Variants in PCDH9 observed in about 807,000 individuals in gnomAD.
PCDH9 encodes the protein protocadherin 9, also known as protocadherin-9.
In PCDH9, 24 loss-of-function variants were observed where a neutral mutation model predicts 70.6. The ratio of observed to expected loss-of-function variants is 0.34; its 90% CI spans 0.25 to 0.48. The LOEUF (loss-of-function observed/expected upper bound fraction) is 0.48, where lower values mean the gene tolerates loss of function less well. Among genes scored for constraint, PCDH9 ranks in the 20% least tolerant of loss-of-function variants. The pLI is 0.99. For synonymous variants in PCDH9, 562 were observed against 558.5 expected (o/e 1.01, Z -0.09); for missense variants, 1,281 against 1,503.6 (o/e 0.85, Z 2.45).
intron 4 of PCDH9, among the ~76,000 whole-genome samples, chr13:66,343,521 C>T (rs1956164098): frequency 6.6e-6 from 1 of 152,216 alleles, no homozygotes; most frequent in South Asian, 2.1e-4. Flanking sequence ...TTCCTCAACA[C>T]ATTGGCACCT....
chr13:67,153,011 C>T (rs765042110), intron 2 of PCDH9, among the ~76,000 whole-genome samples: 3 of 151,976 alleles, frequency 2.0e-5, no homozygotes, highest in Non-Finnish European at 4.4e-5. Flanking sequence ...CTCATCACTC[C>T]CACCTGGAAG....
At chr13:67,187,007 T>C (rs748462489) in intron 2 of PCDH9, among the ~76,000 whole-genome samples, 4 of 152,232 alleles carry the variant, frequency 2.6e-5, no homozygotes, top group Non-Finnish European at 5.9e-5. Flanking sequence ...GGTTTGTTTC[T>C]TTCAATTTAT....
chr13:66,690,156 C>T (rs2078461838), intron 3 of PCDH9, among the ~76,000 whole-genome samples: 1 of 152,146 alleles, frequency 6.6e-6, no homozygotes, highest in African/African-American at 2.4e-5. Context: ...TAAATAAACA[C>T]AGTGCACTAA....
intron 3 of PCDH9, among the ~76,000 whole-genome samples, chr13:66,797,401 T>C (rs1276965101): frequency 6.6e-6 from 1 of 152,186 alleles, no homozygotes; most frequent in African/African-American, 2.4e-5. Context: ...TCCAGCACTT[T>C]ACCATAGTGA....
chr13:66,670,555 G>A (rs2078160005), intron 3 of PCDH9, among the ~76,000 whole-genome samples: 1 of 152,060 alleles, frequency 6.6e-6, no homozygotes, highest in Admixed American at 6.6e-5. Context: ...TAAAAAGTAT[G>A]TATATCTATA....
intron 3 of PCDH9, among the ~76,000 whole-genome samples, chr13:66,733,542 T>A (rs367584350): frequency 3.3e-5 from 5 of 152,152 alleles, no homozygotes; most frequent in African/African-American, 1.2e-4. Context: ...AAATGAACAA[T>A]CATGTAGCTA....
intron 2 of PCDH9, among the ~76,000 whole-genome samples, chr13:66,974,659 C>A (rs1281167256): frequency 6.6e-6 from 1 of 151,972 alleles, no homozygotes; most frequent in Non-Finnish European, 1.5e-5. Flanking sequence ...ACTCTATGCG[C>A]CTAACTCCTT....
intron 4 of PCDH9, among the ~76,000 whole-genome samples, chr13:66,463,239 C>T (rs1192284437): frequency 6.6e-6 from 1 of 151,728 alleles, no homozygotes; most frequent in Non-Finnish European, 1.5e-5. Context: ...AAACAATCAG[C>T]TTGATTCTCC....
intron 4 of PCDH9, among the ~76,000 whole-genome samples, chr13:66,386,187 G>A (rs1402850655): frequency 6.6e-6 from 1 of 152,072 alleles, no homozygotes; most frequent in Non-Finnish European, 1.5e-5. Context: ...ATGCCATTAT[G>A]CAATTTGTCT....
intron 2 of PCDH9, among the ~76,000 whole-genome samples, chr13:67,177,883 G>GACTAC (rs2088507132): frequency 6.6e-6 from 1 of 151,988 alleles, no homozygotes; most frequent in Non-Finnish European, 1.5e-5. Context: ...GAAGGCTGAT[G>GACTAC]ACTACACAAT....
At chr13:67,071,262 A>T (rs886157258) in intron 2 of PCDH9, among the ~76,000 whole-genome samples, 6 of 152,188 alleles carry the variant, frequency 3.9e-5, no homozygotes, top group African/African-American at 7.2e-5. Flanking sequence ...AACCAAATAA[A>T]TGTTCAACAC....
chr13:66,366,883 C>T (rs1956562548), intron 4 of PCDH9, among the ~76,000 whole-genome samples: 1 of 152,040 alleles, frequency 6.6e-6, no homozygotes, highest in Non-Finnish European at 1.5e-5. Context: ...ATGATAGAAG[C>T]AGCTTAACTC....
intron 3 of PCDH9, among the ~76,000 whole-genome samples, chr13:66,667,096 C>G (rs776701575): frequency 1.4e-4 from 22 of 151,736 alleles, no homozygotes; most frequent in Non-Finnish European, 2.8e-4. Context: ...AAAATATGAA[C>G]AGAGTATGTT....
At chr13:66,820,208 A>C (rs1391041693) in intron 3 of PCDH9, among the ~76,000 whole-genome samples, 3 of 152,180 alleles carry the variant, frequency 2.0e-5, no homozygotes, top group African/African-American at 7.2e-5. Context: ...CATCAAAAAA[A>C]ACACAAACAT....
At chr13:67,131,584 A>G (rs933278852) in intron 2 of PCDH9, among the ~76,000 whole-genome samples, 3 of 152,208 alleles carry the variant, frequency 2.0e-5, no homozygotes, top group African/African-American at 7.2e-5. Flanking sequence ...TAGCATAATC[A>G]GCATGATGAC....
intron 3 of PCDH9, among the ~76,000 whole-genome samples, chr13:66,742,812 T>C (rs1257844549): frequency 6.7e-6 from 1 of 148,900 alleles, no homozygotes; most frequent in Non-Finnish European, 1.5e-5. Flanking sequence ...TCACACCAGT[T>C]AGAATGGCAA....
rs1755808 is a variant in PCDH9 at position 66,304,158 on chromosome 13, G to T, written c.*497C>A. 0.014 allele frequency: 2,140 copies of T among 148,008 alleles called. 53 individuals carry two copies. Among genetic ancestry groups the T allele is most frequent in the African/African-American group, 0.05 (1,999 of 39,892 alleles). 9.2% of individuals were successfully genotyped at this position (148,008 alleles called of 1,614,324 possible). On this transcript the variant is annotated 3_prime_UTR_variant, in exon 5 of 5. Coordinates refer to ENST00000377865, the MANE Select transcript of PCDH9 (RefSeq NM_203487.3). Reference sequence around the variant, plus strand: ...CTTTAACACTGATTGACTTACAAGTGTCCACTAACGTTGTTAACAGCACAA... The same window carrying T: ...CTTTAACACTGATTGACTTACAAGTTTCCACTAACGTTGTTAACAGCACAA...
chr13:67,204,419 A>G (rs2089290566), intron 2 of PCDH9: 1 of 152,132 alleles, frequency 6.6e-6, no homozygotes, highest in African/African-American at 2.4e-5. Flanking sequence ...CAGAAAAATC[A>G]TTACAGAATT....
At chr13:67,129,951 G>A (rs1056291941) in intron 2 of PCDH9, among the ~76,000 whole-genome samples, 2 of 151,998 alleles carry the variant, frequency 1.3e-5, no homozygotes, top group Non-Finnish European at 2.9e-5. Context: ...AAGCATGAGA[G>A]TTAGACTTGG....
Sources: gnomAD v4.1 joint callset for allele counts (sites outside exome capture counted in the v4.1 genomes callset) on GRCh38, gnomAD v4.1.1 for gene constraint, MANE v1.5 for transcripts, NCBI Gene and HGNC (gene_info 2026-07-23, HGNC 2026-07-21) for gene names.